The following PTPRT variants were observed in gnomAD, a reference collection of about 807,000 sequenced individuals.
The protein encoded by PTPRT is protein tyrosine phosphatase receptor type T.
In PTPRT, 56 loss-of-function variants were observed where a neutral mutation model predicts 176.8. The observed-to-expected ratio is 0.32, with a 90% CI of 0.26 to 0.40. The LOEUF (loss-of-function observed/expected upper bound fraction) is 0.40. Among genes scored for constraint, PTPRT ranks in the 10% least tolerant of loss-of-function variants. The pLI is 1.00. For missense variants in PTPRT, 1,540 were observed against 1,908.2 expected (o/e 0.81, Z 3.60); for synonymous variants, 783 against 739.0 (o/e 1.06, Z -0.96).
intron 30 of PTPRT, among the ~76,000 whole-genome samples, chr20:42,081,209 T>A (rs1239566742): frequency 6.6e-6 from 1 of 152,158 alleles, no homozygotes; most frequent in East Asian, 1.9e-4. Context: ...GTAACGTGCA[T>A]ACAAGGCAGC....
At chr20:42,055,567 T>C in the PTPRT span, among the ~76,000 whole-genome samples, 1 of 151,908 alleles carries the variant, frequency 6.6e-6, no homozygotes, top group African/African-American at 2.4e-5. Flanking sequence ...GTTGGGGAGG[T>C]AGAGGCAGGG....
At chr20:42,603,303 G>A (rs1395765671) in intron 7 of PTPRT, among the ~76,000 whole-genome samples, 1 of 152,096 alleles carries the variant, frequency 6.6e-6, no homozygotes, top group African/African-American at 2.4e-5. Flanking sequence ...TTTGAGCCGA[G>A]ACTAAAATGA....
intron 9 of PTPRT, among the ~76,000 whole-genome samples, chr20:42,402,284 G>A (rs2058916042): frequency 3.3e-5 from 5 of 151,952 alleles, no homozygotes; most frequent in Admixed American, 3.3e-4. Flanking sequence ...TTGTCCTCTT[G>A]ATTAAGCCAG....
At chr20:42,744,529 C>T (rs1346188915) in intron 6 of PTPRT, among the ~76,000 whole-genome samples, 2 of 152,202 alleles carry the variant, frequency 1.3e-5, no homozygotes, top group African/African-American at 4.8e-5. Flanking sequence ...TCATTCAAGA[C>T]ATTAAGCCTG....
At chr20:43,183,080 A>G (rs2015305548) in intron 1 of PTPRT, among the ~76,000 whole-genome samples, 1 of 152,226 alleles carries the variant, frequency 6.6e-6, no homozygotes. Context: ...TCACTACTCA[A>G]AAATGAACAA....
chr20:42,870,167 C>T (rs2078820733), intron 2 of PTPRT, among the ~76,000 whole-genome samples: 1 of 152,084 alleles, frequency 6.6e-6, no homozygotes, highest in Non-Finnish European at 1.5e-5. Context: ...TATCTCCCTC[C>T]TCTCCCCAGC....
intron 6 of PTPRT, among the ~76,000 whole-genome samples, chr20:42,705,306 G>A (rs1456086969): frequency 6.6e-6 from 1 of 152,092 alleles, no homozygotes; most frequent in East Asian, 1.9e-4. Context: ...GGGTGCAAGT[G>A]GGCTGAGTCC....
chr20:43,012,374 A>AC (rs1985172567), intron 1 of PTPRT, among the ~76,000 whole-genome samples: 2 of 152,184 alleles, frequency 1.3e-5, no homozygotes, highest in African/African-American at 4.8e-5. Flanking sequence ...TACCTAGAGT[A>AC]GTCAAATTTA....
chr20:42,267,202 C>T (rs2056853912), intron 13 of PTPRT, among the ~76,000 whole-genome samples: 1 of 152,186 alleles, frequency 6.6e-6, no homozygotes, highest in African/African-American at 2.4e-5. Flanking sequence ...AGATACTCAA[C>T]ACTTTAATAT....
At chr20:42,235,994 C>A (rs1370707351) in intron 15 of PTPRT, among the ~76,000 whole-genome samples, 1 of 152,188 alleles carries the variant, frequency 6.6e-6, no homozygotes. Context: ...CAGCCCTTCA[C>A]ATCTCTAAAA....
chr20:42,735,770 T>C (rs1039587267), intron 6 of PTPRT, among the ~76,000 whole-genome samples: 2 of 151,976 alleles, frequency 1.3e-5, no homozygotes, highest in Non-Finnish European at 1.5e-5. Flanking sequence ...CTGGGGCTTC[T>C]CGTGCCTCTC....
At chr20:42,282,445 T>C (rs1040591024) in intron 13 of PTPRT, 44 bp downstream of exon 13, 1 of 1,556,566 alleles carries the variant, frequency 6.4e-7, no homozygotes, top group Non-Finnish European at 8.8e-7. Flanking sequence ...AATACTTAAA[T>C]GGCTGAAGAA....
chr20:42,128,843 C>T lies in PTPRT; in HGVS notation c.2771-13G>A. The T allele has an allele frequency of 6.3e-7, 1 of 1,596,052 alleles. No homozygotes were observed. The highest frequency in any genetic ancestry group is 8.5e-7 in the Non-Finnish European group (1 of 1,170,750). ...CGGGAATGGTCGTCTGCAGAGAGAG[C>T]AGAAATCAAGGGGATGGTTGATAAG... On this transcript the variant is annotated splice_polypyrimidine_tract_variant and intron_variant, in intron 18 of 30. Coordinates refer to ENST00000373187, the MANE Select transcript of PTPRT (RefSeq NM_007050.6).
Position 42,182,663 on chromosome 20 carries a change from C to A in PTPRT, c.2491+16577G>T, listed in dbSNP as rs115767930. 3.4e-3 allele frequency among the ~76,000 whole-genome samples: 512 copies of A among 152,246 alleles called. 3 individuals are homozygous for A. The highest frequency in any genetic ancestry group is 0.012 in the African/African-American group (492 of 41,554). On this transcript the variant is annotated intron_variant, in intron 16 of 30. Coordinates refer to ENST00000373187, the MANE Select transcript of PTPRT (RefSeq NM_007050.6). The stretch of plus-strand genomic sequence containing the variant: ...GAAAAACTCAACTGGTCCCATGAGA[C>A]ATTAACTGAATAAGAACACTCATTT...
At chr20:43,181,009 C>T (rs1030615214) in intron 1 of PTPRT, among the ~76,000 whole-genome samples, 15 of 152,122 alleles carry the variant, frequency 9.9e-5, no homozygotes, top group Admixed American at 5.9e-4. Flanking sequence ...ACACTCTCTC[C>T]GGCTCTCTCA....
At chr20:42,127,789 T>C (rs1987933015) in intron 19 of PTPRT, among the ~76,000 whole-genome samples, 1 of 152,220 alleles carries the variant, frequency 6.6e-6, no homozygotes, top group Admixed American at 6.5e-5. Flanking sequence ...TCTTGGCTCC[T>C]GTTTGAGTTT....
chr20:42,645,569 T>G (rs1482794212), intron 7 of PTPRT, among the ~76,000 whole-genome samples: 2 of 151,832 alleles, frequency 1.3e-5, no homozygotes, highest in South Asian at 4.2e-4. Context: ...ACATAACACA[T>G]GGAGAGATGG....
chr20:42,284,101 C>A (rs2057186945), intron 12 of PTPRT, among the ~76,000 whole-genome samples: 2 of 152,034 alleles, frequency 1.3e-5, no homozygotes. Flanking sequence ...GCTATCCTAG[C>A]TGCTCATTCT....
intron 1 of PTPRT, among the ~76,000 whole-genome samples, chr20:42,904,940 G>A (rs1248279607): frequency 6.6e-6 from 1 of 152,154 alleles, no homozygotes; most frequent in African/African-American, 2.4e-5. Context: ...AGACTTAAAT[G>A]TTAGACCTAA....
Sources: allele counts gnomAD v4.1 joint callset (sites outside exome capture counted in the v4.1 genomes callset), GRCh38; gene constraint gnomAD v4.1.1; transcripts MANE v1.5; gene names NCBI Gene and HGNC (gene_info 2026-07-23, HGNC 2026-07-21).